NRG3: variants seen among roughly 807,000 people sequenced by gnomAD.
The protein encoded by NRG3 is pro-neuregulin-3, membrane-bound isoform.
Under a neutral mutation model 66.9 loss-of-function variants are expected in NRG3, and 31 were observed. That is an observed-to-expected ratio of 0.46 (90% confidence interval 0.35 to 0.63). The LOEUF is 0.63. NRG3 is among the 20% of genes least tolerant of loss of function. The pLI is 0.00. For missense variants in NRG3, 910 were observed against 878.9 expected, an observed-to-expected ratio of 1.04 and a Z score of -0.45; for synonymous variants, 393 against 359.4, an observed-to-expected ratio of 1.09 and a Z score of -1.06.
chr10:82,927,704 C>G (rs1447051959), intron 4 of NRG3, among the ~76,000 whole-genome samples: 1 of 152,164 alleles, frequency 6.6e-6, no homozygotes, highest in Non-Finnish European at 1.5e-5. Flanking sequence ...TAGTATTCCA[C>G]AGTGTATATG....
intron 1 of NRG3, among the ~76,000 whole-genome samples, chr10:82,103,618 A>G (rs1186974155): frequency 6.6e-6 from 1 of 152,136 alleles, no homozygotes; most frequent in Non-Finnish European, 1.5e-5. Context: ...GGTCTATTAC[A>G]TGCGTGTTCT....
chr10:82,460,192 T>G (rs534538015), intron 2 of NRG3, among the ~76,000 whole-genome samples: 2 of 152,318 alleles, frequency 1.3e-5, no homozygotes, highest in Non-Finnish European at 2.9e-5. Context: ...AAGATATGTT[T>G]TGAGGACTGA....
chr10:82,824,719 C>CT (rs35568898), intron 3 of NRG3, among the ~76,000 whole-genome samples: 4,986 of 138,616 alleles, frequency 0.036, 130 homozygotes, highest in Admixed American at 0.081. Flanking sequence ...ATTATAGACA[C>CT]TTTTTTTTTT....
chr10:82,633,172 C>T (rs750844226), intron 2 of NRG3, among the ~76,000 whole-genome samples: 11 of 152,256 alleles, frequency 7.2e-5, no homozygotes, highest in Admixed American at 4.6e-4. Context: ...TTCCAGAAAT[C>T]GTCCAGAAGA....
At chr10:82,538,728 G>A (rs895208028) in intron 2 of NRG3, among the ~76,000 whole-genome samples, 2 of 152,046 alleles carry the variant, frequency 1.3e-5, no homozygotes, top group African/African-American at 4.8e-5. Context: ...TTCTCACAAG[G>A]TTCTGCTAAC....
intron 1 of NRG3, among the ~76,000 whole-genome samples, chr10:82,281,557 CT>C (rs2079121216): frequency 6.6e-6 from 1 of 152,044 alleles, no homozygotes; most frequent in South Asian, 2.1e-4. Flanking sequence ...TCCAGGGACT[CT>C]TTTAATAAGA....
chr10:82,200,090 C>G (rs1200350423), intron 1 of NRG3, among the ~76,000 whole-genome samples: 1 of 152,120 alleles, frequency 6.6e-6, no homozygotes, highest in Non-Finnish European at 1.5e-5. Context: ...TTTTATTGAG[C>G]ACCTCCTTAA....
intron 3 of NRG3, among the ~76,000 whole-genome samples, chr10:82,794,935 A>G (rs1346495481): frequency 1.3e-5 from 2 of 152,114 alleles, no homozygotes; most frequent in Non-Finnish European, 2.9e-5. Flanking sequence ...CTAAGCTCTA[A>G]CCTCTCTCCC....
intron 1 of NRG3, among the ~76,000 whole-genome samples, chr10:82,006,490 C>T (rs1564731631): frequency 6.6e-6 from 1 of 151,878 alleles, no homozygotes; most frequent in African/African-American, 2.4e-5. Flanking sequence ...TTCTTTTATG[C>T]TTTTTTCTTT....
At chr10:82,084,712 C>T (rs2065618698) in intron 1 of NRG3, among the ~76,000 whole-genome samples, 1 of 152,010 alleles carries the variant, frequency 6.6e-6, no homozygotes, top group Non-Finnish European at 1.5e-5. Context: ...GTCAAATCAC[C>T]CCCAGTGTGA....
chr10:82,370,077 C>T (rs914061264), intron 2 of NRG3, among the ~76,000 whole-genome samples: 1 of 138,866 alleles, frequency 7.2e-6, no homozygotes, highest in Non-Finnish European at 1.5e-5. Context: ...TTCAGTTTTG[C>T]CATCTGCAGA....
chr10:81,902,701 A>G (rs554278247), intron 1 of NRG3, among the ~76,000 whole-genome samples: 16 of 152,314 alleles, frequency 1.1e-4, no homozygotes, highest in Non-Finnish European at 2.4e-4. Context: ...CCTGGCTTGC[A>G]GAGTGAGGTG....
At chr10:82,979,474 A>G (rs1287498444) in intron 8 of NRG3, among the ~76,000 whole-genome samples, 6 of 152,190 alleles carry the variant, frequency 3.9e-5, no homozygotes. Context: ...TAGAAAAAGG[A>G]CCGAATTCTC....
intron 1 of NRG3, among the ~76,000 whole-genome samples, chr10:82,198,866 A>G (rs903411729): frequency 2.0e-4 from 30 of 151,962 alleles, no homozygotes; most frequent in African/African-American, 5.6e-4. Flanking sequence ...GTGTGGTGGC[A>G]CACATCTGTA....
intron 1 of NRG3, among the ~76,000 whole-genome samples, chr10:81,969,809 A>G (rs774574664): frequency 7.3e-5 from 11 of 151,520 alleles, no homozygotes; most frequent in Middle Eastern, 3.4e-3. Context: ...GTGCACATGC[A>G]CTTCTGTGTA....
chr10:82,672,072 C>T (rs1332643787), intron 2 of NRG3, among the ~76,000 whole-genome samples: 2 of 152,164 alleles, frequency 1.3e-5, no homozygotes, highest in African/African-American at 2.4e-5. Flanking sequence ...CAGTTGTCTT[C>T]TCTGGCGTGT....
At chr10:82,953,072 C>G (rs1849691287) in intron 5 of NRG3, among the ~76,000 whole-genome samples, 1 of 151,636 alleles carries the variant, frequency 6.6e-6, no homozygotes, top group African/African-American at 2.4e-5. Context: ...AGTATTTTAC[C>G]TAAGGCCCTT....
intron 2 of NRG3, among the ~76,000 whole-genome samples, chr10:82,377,462 G>GC (rs1564854344): frequency 2.5e-3 from 387 of 151,994 alleles, no homozygotes; most frequent in African/African-American, 8.8e-3. Flanking sequence ...GTGTGTGCGC[G>GC]AGCGCACATG....
At chr10:82,454,421 A>G (rs1038208047) in intron 2 of NRG3, among the ~76,000 whole-genome samples, 4 of 152,180 alleles carry the variant, frequency 2.6e-5, no homozygotes, top group African/African-American at 9.7e-5. Context: ...AGAATGGAGA[A>G]TATATGCTAC....
Sources: allele counts gnomAD v4.1 joint callset (sites outside exome capture counted in the v4.1 genomes callset), GRCh38; gene constraint gnomAD v4.1.1; transcripts MANE v1.5; gene names NCBI Gene and HGNC (gene_info 2026-07-23, HGNC 2026-07-21).